Variants in SVEP1 observed in about 807,000 individuals in gnomAD.
SVEP1 encodes the protein sushi, von Willebrand factor type A, EGF and pentraxin domain containing 1.
A neutral mutation model predicts 367.3 loss-of-function variants in SVEP1; 164 were observed. The ratio of observed to expected loss-of-function variants is 0.45; its 90% CI spans 0.39 to 0.51. The LOEUF is 0.51. Among genes scored for constraint, SVEP1 ranks in the 20% least tolerant of loss-of-function variants. The pLI is 0.00. For synonymous variants in SVEP1, 1,666 were observed against 1,611.6 expected (o/e 1.03, Z -0.81); for missense variants, 4,117 against 4,425.3 (o/e 0.93, Z 1.98).
At chr9:110,463,438 T>G (rs1432606717) in intron 18 of SVEP1, among the ~76,000 whole-genome samples, 2 of 152,092 alleles carry the variant, frequency 1.3e-5, no homozygotes, top group East Asian at 3.8e-4. Context: ...AATAATAATA[T>G]TTTAAGTGCC....
Position 110,401,064 on chromosome 9 carries a change from G to A in SVEP1, c.9667-55C>T, listed in dbSNP as rs891967103. On this transcript the variant is annotated intron_variant, in intron 39 of 47. Transcript: ENST00000374469. ...TGTTTAGAAGTTAATACATATGAAT[G>A]AAGAAATTTGCAAATATTGGTTATT... 17 of 1,583,622 alleles carry A rather than the reference G, an allele frequency of 1.1e-5. No individual in the cohort carries two copies. The African/African-American group carries it at 1.9e-4, about 18-fold the overall frequency.
intron 17 of SVEP1, among the ~76,000 whole-genome samples, chr9:110,466,745 AGCGAGAC>A (rs1282584552): frequency 1.5e-5 from 1 of 68,940 alleles, no homozygotes; most frequent in Non-Finnish European, 2.8e-5. Flanking sequence ...TGGGCGACAG[AGCGAGAC>A]TCCATCTCAA....
chr9:110,569,456 CAAAAAAA>C lies in SVEP1; in HGVS notation c.531+9550_531+9556del, dbSNP rs11368565. Among the ~76,000 whole-genome samples the C allele has an allele frequency of 6.8e-5, 8 of 116,918 alleles. No individual in the cohort carries two copies. In the East Asian group the frequency reaches 1.9e-3, roughly 28 times the overall value. 76.7% of individuals were successfully genotyped at this position (116,918 alleles called of 152,430 possible). A position where few individuals can be genotyped will look rare whatever the true frequency, so the allele number is the denominator to read the frequency against. ...GGGCAACAAGAGTGAAACTCAGTCT[CAAAAAAA>C]AAAAAAAAAAATTTGAGGCTATTGG... is the stretch of plus-strand genomic sequence containing the variant. On this transcript the variant is annotated intron_variant, in intron 1 of 47. Coordinates refer to ENST00000374469, the MANE Select transcript of SVEP1 (RefSeq NM_153366.4).
intron 1 of SVEP1, among the ~76,000 whole-genome samples, chr9:110,554,952 T>C (rs1044383413): frequency 1.3e-5 from 2 of 152,216 alleles, no homozygotes; most frequent in African/African-American, 4.8e-5. Context: ...GTCTTTAAAA[T>C]TATACTTTTC....
chr9:110,434,017 G>A (rs1441713576), intron 30 of SVEP1, among the ~76,000 whole-genome samples: 3 of 152,198 alleles, frequency 2.0e-5, no homozygotes, highest in South Asian at 2.1e-4. Context: ...GAATGCACTC[G>A]ACTGAAGATG....
At position 110,496,891 on chromosome 9, in the gene SVEP1, G is replaced by T; in HGVS notation, c.1724C>A (p.Ala575Asp). Reference sequence around the variant, plus strand: ...AGAATCTTGCTGTTCCAGAGTCTTAGCCTCTATGTCCTTAGGACAGTTGAT... The same window carrying T: ...AGAATCTTGCTGTTCCAGAGTCTTATCCTCTATGTCCTTAGGACAGTTGAT... ...PQINCPKDIEAKTLEQQDSAN... is the reference protein window; with the variant it reads ...PQINCPKDIEDKTLEQQDSAN... Residue 575 changes from alanine (A) to aspartate (D), a missense_variant, in exon 8 of 48, where the codon GCT becomes GAT. Physicochemically the swap from Ala to Asp is moderately radical, Grantham distance 126. This residue lies in a region of SVEP1 where 2,174 missense variants were observed against 2,494.3 expected (regional missense o/e 0.87). Transcript: ENST00000374469. 6.4e-7 allele frequency: 1 copy of T among 1,555,770 alleles called. No individual in the cohort carries two copies. Among genetic ancestry groups the T allele is most frequent in the South Asian group, 1.2e-5 (1 of 84,352 alleles).
At chr9:110,415,693 C>A (rs554903171) in intron 36 of SVEP1, among the ~76,000 whole-genome samples, 14 of 152,054 alleles carry the variant, frequency 9.2e-5, no homozygotes, top group African/African-American at 3.4e-4. Flanking sequence ...TTCTGCTCTA[C>A]AACAGTCTGA....
intron 3 of SVEP1, among the ~76,000 whole-genome samples, chr9:110,517,852 T>C (rs551566401): frequency 5.3e-5 from 8 of 151,368 alleles, no homozygotes; most frequent in Non-Finnish European, 8.8e-5. Flanking sequence ...AATTAATAGT[T>C]TGAGATTAGA....
intron 46 of SVEP1, 69 bp downstream of exon 46, chr9:110,375,299 A>T: frequency 7.4e-7 from 1 of 1,357,870 alleles, no homozygotes; most frequent in Non-Finnish European, 1.0e-6. Flanking sequence ...TCTAAGTCAC[A>T]CTCTTCAATG....
At chr9:110,383,694 C>A (rs1423877962) in intron 43 of SVEP1, among the ~76,000 whole-genome samples, 1 of 152,182 alleles carries the variant, frequency 6.6e-6, no homozygotes, top group African/African-American at 2.4e-5. Context: ...TCCTCAGAGC[C>A]AGCAGGGGAA....
At chr9:110,440,388 A>T (rs1173498609) in intron 27 of SVEP1, among the ~76,000 whole-genome samples, 4 of 152,028 alleles carry the variant, frequency 2.6e-5, no homozygotes, top group African/African-American at 9.7e-5. Flanking sequence ...TGTTCTTCTG[A>T]CTCATCCTTC....
Position 110,387,399 on chromosome 9 carries a change from T to A in SVEP1, c.9946A>T (p.Thr3316Ser). Reference protein sequence around the residue: ...LNGKADIENRTTGPNVVYSCN... With the variant: ...LNGKADIENRSTGPNVVYSCN... ...GAATATACCACGTTGGGTCCAGTCGTCCTGTTTTCAATGTCAGCTTTCCCA... is the reference window on the plus strand; with the variant it reads ...GAATATACCACGTTGGGTCCAGTCGACCTGTTTTCAATGTCAGCTTTCCCA... The change falls in exon 42 of 48, where the codon ACG (threonine) becomes TCG (serine). Residue 3316 changes from threonine to serine, a missense_variant. Around this residue, in one of 4 missense-constraint regions of SVEP1, gnomAD observed 1,765 missense variants for 1,781.1 expected, o/e 0.99. Coordinates refer to ENST00000374469, the MANE Select transcript of SVEP1 (RefSeq NM_153366.4). 2 of 1,613,310 alleles carry A rather than the reference T, an allele frequency of 1.2e-6. No individual in the cohort carries two copies. The highest frequency in any genetic ancestry group is 1.7e-6 in the Non-Finnish European group (2 of 1,179,728).
At position 110,483,656 on chromosome 9, in the gene SVEP1, T is replaced by C. The variant is rs202217934; in HGVS notation, c.1968A>G (p.Pro656=). ...CCTTCTCCGAGACCTGGACGGGAGG[T>C]GGAGATCTGCACCAGTCTATGACAG... ...EPPVIDWCRS[P]PPVQVSEKVH... The change falls in exon 10 of 48, where the codon CCA becomes CCG. Residue 656 remains proline, a synonymous_variant. Coordinates refer to ENST00000374469, the MANE Select transcript of SVEP1 (RefSeq NM_153366.4). 3.7e-6 allele frequency: 6 copies of C among 1,608,132 alleles called. No homozygotes were observed. The highest frequency in any genetic ancestry group is 5.1e-6 in the Non-Finnish European group (6 of 1,177,116).
chr9:110,557,848 G>A (rs1430155173), intron 1 of SVEP1, among the ~76,000 whole-genome samples: 1 of 152,078 alleles, frequency 6.6e-6, no homozygotes, highest in Non-Finnish European at 1.5e-5. Flanking sequence ...CACAGCCTGT[G>A]TCTGAAAATG....
chr9:110,446,288 A>T (rs1828597396), intron 25 of SVEP1, among the ~76,000 whole-genome samples: 1 of 152,244 alleles, frequency 6.6e-6, no homozygotes, highest in East Asian at 1.9e-4. Context: ...AGTAGTTGGA[A>T]GGAGAGGTGA....
At chr9:110,485,857 C>T (rs1487971143) in intron 9 of SVEP1, among the ~76,000 whole-genome samples, 1 of 152,194 alleles carries the variant, frequency 6.6e-6, no homozygotes, top group Non-Finnish European at 1.5e-5. Context: ...CTGAAATTAA[C>T]TGAACTGCAC....
rs1191990394 is a variant in SVEP1 at position 110,445,778 on chromosome 9, G to A, written c.4463+59C>T. 2.5e-6 allele frequency: 4 copies of A among 1,586,932 alleles called. No individual in the cohort carries two copies. The African/African-American group carries it at 4.0e-5, about 16-fold the overall frequency. ...TTCCCATTTCCCATCCTCAATGTCA[G>A]TTCTAATTCGGTTCCAAGATAAGAT... On this transcript the variant is annotated intron_variant, in intron 26 of 47. Coordinates refer to ENST00000374469, the MANE Select transcript of SVEP1 (RefSeq NM_153366.4).
rs770836924 is a variant in SVEP1, at chr9:110,503,226, A to G, written c.1304-9T>C. 1 of 1,602,802 alleles carries G rather than the reference A, an allele frequency of 6.2e-7. No individual in the cohort carries two copies. The highest frequency in any genetic ancestry group is 8.5e-7 in the Non-Finnish European group (1 of 1,176,052). On this transcript the variant is annotated splice_polypyrimidine_tract_variant and intron_variant, in intron 5 of 47. Transcript: ENST00000374469. Reference sequence around the variant, plus strand: ...ATGAGGACATGTTCTTACTATGTAAAATGAAAGCAATTAGATCACATTTTG... The same window carrying G: ...ATGAGGACATGTTCTTACTATGTAAGATGAAAGCAATTAGATCACATTTTG...
intron 1 of SVEP1, among the ~76,000 whole-genome samples, chr9:110,554,278 C>G (rs995252997): frequency 2.3e-4 from 35 of 152,046 alleles, no homozygotes; most frequent in African/African-American, 8.0e-4. Context: ...GCTTGAGAGT[C>G]TGCTTATGAA....
Sources: gnomAD v4.1 joint callset for allele counts (sites outside exome capture counted in the v4.1 genomes callset) on GRCh38, gnomAD v4.1.1 for gene constraint, gnomAD v4.1.1 regional missense constraint, MANE v1.5 for transcripts, NCBI Gene and HGNC (gene_info 2026-07-23, HGNC 2026-07-21) for gene names.